Variants in GFRA1 observed in about 807,000 individuals in gnomAD.
GFRA1 encodes the protein GDNF family receptor alpha 1, also known as GDNF family receptor alpha-1.
GFRA1 carries 16 observed loss-of-function variants against 51.6 expected under a neutral mutation model. The ratio of observed to expected loss-of-function variants is 0.31; its 90% confidence interval spans 0.21 to 0.47. GFRA1 has a LOEUF of 0.47. Among genes scored for constraint, GFRA1 ranks in the 20% least tolerant of loss-of-function variants. The pLI is 1.00. For missense variants in GFRA1, 530 were observed against 594.3 expected, an observed-to-expected ratio of 0.89 and a Z score of 1.13; for synonymous variants, 270 against 241.3, an observed-to-expected ratio of 1.12 and a Z score of -1.10.
chr10:116,258,209 C>T (rs1235977537), intron 4 of GFRA1, among the ~76,000 whole-genome samples: 3 of 151,886 alleles, frequency 2.0e-5, no homozygotes, highest in Non-Finnish European at 4.4e-5. Context: ...CCACTGTGCT[C>T]ATAGTAAGTT....
chr10:116,173,852 G>A (rs1031590929), intron 5 of GFRA1, among the ~76,000 whole-genome samples: 20 of 142,102 alleles, frequency 1.4e-4, no homozygotes, highest in African/African-American at 5.3e-4. Context: ...CAAGGCGGGC[G>A]GATCACCTAA....
At chr10:116,268,512 A>G (rs1969847772) in intron 4 of GFRA1, among the ~76,000 whole-genome samples, 2 of 152,240 alleles carry the variant, frequency 1.3e-5, no homozygotes, top group African/African-American at 4.8e-5. Context: ...GAATGGATGA[A>G]TGCATGTATA....
chr10:116,098,118 C>T (rs1376516010), intron 6 of GFRA1, among the ~76,000 whole-genome samples: 1 of 152,182 alleles, frequency 6.6e-6, no homozygotes, highest in African/African-American at 2.4e-5. Flanking sequence ...TTCTGGGGAC[C>T]TGACTCCATT....
At chr10:116,158,136 C>T (rs892456900) in intron 5 of GFRA1, among the ~76,000 whole-genome samples, 4 of 152,182 alleles carry the variant, frequency 2.6e-5, no homozygotes, top group African/African-American at 4.8e-5. Flanking sequence ...CATCAGATCA[C>T]TTCCCCTCAC....
chr10:116,096,457 G>A lies in GFRA1; in HGVS notation c.880+198C>T, dbSNP rs117579563. ...CCCGCTTCCTGCCTCTGCCTTTCAC[G>A]CATCCATTATCCCATTTTTTTCTTC... is the stretch of plus-strand genomic sequence containing the variant. On this transcript the variant is annotated intron_variant, in intron 7 of 10. Transcript: ENST00000355422. Among the ~76,000 whole-genome samples, 252 of 151,076 alleles carry A rather than the reference G, an allele frequency of 1.7e-3. 4 individuals are homozygous for A. In the East Asian group the frequency reaches 0.046, roughly 27 times the overall value.
chr10:116,081,312 T>C (rs1354613018), intron 9 of GFRA1, among the ~76,000 whole-genome samples: 1 of 152,226 alleles, frequency 6.6e-6, no homozygotes, highest in African/African-American at 2.4e-5. Flanking sequence ...TGTACTGCGG[T>C]CTACCAGTTG....
chr10:116,178,298 C>CCGAGG (rs1961836687), intron 5 of GFRA1, among the ~76,000 whole-genome samples: 3 of 34,786 alleles, frequency 8.6e-5, no homozygotes, highest in Non-Finnish European at 2.4e-4. Context: ...CCACAAGGGG[C>CCGAGG]CGGGGGGGCG....
At chr10:116,130,543 C>T (rs553541056) in intron 5 of GFRA1, among the ~76,000 whole-genome samples, 10 of 152,164 alleles carry the variant, frequency 6.6e-5, no homozygotes, top group African/African-American at 2.4e-4. Context: ...TAGTGTGGTA[C>T]AGTATAGGCA....
intron 4 of GFRA1, among the ~76,000 whole-genome samples, chr10:116,242,562 A>C (rs2134640010): frequency 6.6e-6 from 1 of 151,922 alleles, no homozygotes; most frequent in African/African-American, 2.4e-5. Flanking sequence ...GCTCACTGCA[A>C]CCTCTGACTC....
chr10:116,211,791 G>A (rs1236886833), intron 4 of GFRA1, 146 bp from the exon 5 acceptor site: 41 of 681,870 alleles, frequency 6.0e-5, no homozygotes, highest in Non-Finnish European at 9.1e-5. Context: ...TAACTCAGGA[G>A]GCAGTGCTTA....
At chr10:116,086,099 C>A (rs1956088274) in intron 9 of GFRA1, among the ~76,000 whole-genome samples, 1 of 152,196 alleles carries the variant, frequency 6.6e-6, no homozygotes, top group Non-Finnish European at 1.5e-5. Flanking sequence ...ACAAGGCTCT[C>A]CCTGGCTCAG....
At chr10:116,241,912 C>G (rs893292888) in intron 4 of GFRA1, among the ~76,000 whole-genome samples, 2 of 152,040 alleles carry the variant, frequency 1.3e-5, no homozygotes, top group African/African-American at 4.8e-5. Flanking sequence ...CTGCCAAACC[C>G]TAAGCAAGAG....
intron 8 of GFRA1, among the ~76,000 whole-genome samples, chr10:116,090,629 T>C (rs1344071583): frequency 1.3e-5 from 2 of 152,146 alleles, no homozygotes; most frequent in African/African-American, 2.4e-5. Context: ...ATTAGATTGT[T>C]TTTATGGCAA....
chr10:116,199,071 C>CGGGACA (rs1365758840), intron 5 of GFRA1, among the ~76,000 whole-genome samples: 1 of 152,118 alleles, frequency 6.6e-6, no homozygotes, highest in Non-Finnish European at 1.5e-5. Flanking sequence ...TGGAAGCGGC[C>CGGGACA]GGGACAGATC....
At position 116,125,421 on chromosome 10, in the gene GFRA1, G is replaced by A; in HGVS notation, c.570C>T (p.Arg190=). 6.2e-7 allele frequency: 1 copy of A among 1,614,196 alleles called. No homozygotes were observed. Among genetic ancestry groups the A allele is most frequent in the Non-Finnish European group, 8.5e-7 (1 of 1,180,018 alleles). The change falls in exon 6 of 11, where the codon CGC becomes CGT. Residue 190 remains arginine, a synonymous_variant. Transcript: ENST00000355422. The stretch of plus-strand genomic sequence containing the variant: ...ACTGCCGGAGGGCCTTGTGGCACTT[G>A]CGGCGGTTGCAGACATCGTTGGACA... ...TSVSNDVCNR[R]KCHKALRQFF...
intron 5 of GFRA1, among the ~76,000 whole-genome samples, chr10:116,152,179 G>A (rs1014648710): frequency 6.6e-5 from 10 of 152,128 alleles, no homozygotes; most frequent in Non-Finnish European, 8.8e-5. Context: ...ATCACGATTC[G>A]ATTCATGTTT....
chr10:116,157,836 C>T (rs555615122), intron 5 of GFRA1, among the ~76,000 whole-genome samples: 4 of 152,260 alleles, frequency 2.6e-5, no homozygotes, highest in South Asian at 4.2e-4. Context: ...AAGGAATGAA[C>T]GAATGGACTG....
chr10:116,241,962 A>G (rs1271251003), intron 4 of GFRA1, among the ~76,000 whole-genome samples: 1 of 152,230 alleles, frequency 6.6e-6, no homozygotes, highest in African/African-American at 2.4e-5. Context: ...AAAGGCAGCT[A>G]TTAAAAAAAA....
At chr10:116,227,815 T>C (rs1029887638) in intron 4 of GFRA1, among the ~76,000 whole-genome samples, 1 of 152,194 alleles carries the variant, frequency 6.6e-6, no homozygotes, top group Non-Finnish European at 1.5e-5. Context: ...TAAATGAGAG[T>C]GTACCAAGTA....
Sources: allele counts gnomAD v4.1 joint callset (sites outside exome capture counted in the v4.1 genomes callset), GRCh38; gene constraint gnomAD v4.1.1; transcripts MANE v1.5; gene names NCBI Gene and HGNC (gene_info 2026-07-23, HGNC 2026-07-21).